The following CCDC60 variants were observed in gnomAD, a reference collection of about 807,000 sequenced individuals.
The protein encoded by CCDC60 is coiled-coil domain-containing protein 60.
Under a neutral mutation model 63.5 loss-of-function variants are expected in CCDC60, and 54 were observed. That is an observed-to-expected ratio of 0.85 (90% CI 0.68 to 1.07). The LOEUF (loss-of-function observed/expected upper bound fraction) is 1.07, where lower values mean the gene tolerates loss of function less well. Ranked by LOEUF, CCDC60 falls within the 50% of genes least tolerant of loss-of-function variation. CCDC60 has a pLI of 0.00. For missense variants in CCDC60, 651 were observed against 684.3 expected (o/e 0.95, Z 0.54); for synonymous variants, 206 against 238.8 (o/e 0.86, Z 1.27).
chr12:119,519,467 A>ATATTTT (rs1241035118), intron 8 of CCDC60, among the ~76,000 whole-genome samples: 2 of 95,286 alleles, frequency 2.1e-5, no homozygotes, highest in African/African-American at 7.5e-5. Flanking sequence ...ATATATATAT[A>ATATTTT]TTTTTTTTTT....
intron 7 of CCDC60, among the ~76,000 whole-genome samples, chr12:119,507,585 TATATAC>T (rs1261261360): frequency 0.023 from 841 of 36,390 alleles, 61 homozygotes; most frequent in East Asian, 0.076. Context: ...TATACACATA[TATATAC>T]ATATATATAT....
At chr12:119,521,881 T>C (rs1566060380) in intron 9 of CCDC60, among the ~76,000 whole-genome samples, 2 of 152,280 alleles carry the variant, frequency 1.3e-5, no homozygotes, top group East Asian at 3.9e-4. Context: ...ATCAAGGCTA[T>C]CTGGATATTG....
In CCDC60 at chr12:119,373,404, C is replaced by G. The variant is rs141540097; in HGVS notation, c.90+38138C>G. 4.7e-3 allele frequency among the ~76,000 whole-genome samples: 723 copies of G among 152,288 alleles called. 8 individuals carry two copies. Among genetic ancestry groups the G allele is most frequent in the African/African-American group, 0.016 (671 of 41,560 alleles). On this transcript the variant is annotated intron_variant, in intron 1 of 13. Transcript: ENST00000327554. ...AGCCAGTTACTTAACCTCTCTGAGCCTCAGTTTCCTCATTTGCAAATAGGG... is the reference window on the plus strand; with the variant it reads ...AGCCAGTTACTTAACCTCTCTGAGCGTCAGTTTCCTCATTTGCAAATAGGG...
Position 119,410,316 on chromosome 12 carries a change from A to G in CCDC60, c.91-18367A>G, listed in dbSNP as rs534765419. Reference sequence around the variant, plus strand: ...ATGGTTTGAGGACAAGGTGGAAGTAATACATTTTAAAAAGTGATGTACCTT... The same window carrying G: ...ATGGTTTGAGGACAAGGTGGAAGTAGTACATTTTAAAAAGTGATGTACCTT... On this transcript the variant is annotated intron_variant, in intron 1 of 13. Transcript: ENST00000327554. This position sits in a 1 kb window ranked among gnomAD's most constrained non-coding sequence, Gnocchi z 4.0. Among the ~76,000 whole-genome samples the G allele has an allele frequency of 4.6e-5, 7 of 152,068 alleles. No individual in the cohort carries two copies. Among genetic ancestry groups the G allele is most frequent in the Non-Finnish European group, 8.8e-5 (6 of 68,012 alleles).
At chr12:119,361,593 G>A (rs1955791604) in intron 1 of CCDC60, among the ~76,000 whole-genome samples, 1 of 152,140 alleles carries the variant, frequency 6.6e-6, no homozygotes, top group Admixed American at 6.5e-5. Flanking sequence ...TATTCACTTG[G>A]AGCCCAGAGA....
At chr12:119,429,804 G>C (rs550537252) in intron 2 of CCDC60, 1 of 152,196 alleles carries the variant, frequency 6.6e-6, no homozygotes, top group African/African-American at 2.4e-5. Context: ...GGGTGGCTGT[G>C]TCAGCTATTG....
At chr12:119,487,465 T>C (rs1242627612) in intron 4 of CCDC60, among the ~76,000 whole-genome samples, 1 of 152,004 alleles carries the variant, frequency 6.6e-6, no homozygotes, top group East Asian at 1.9e-4. Flanking sequence ...GCACAGCTAA[T>C]TTTTGTATTT....
chr12:119,519,853 AGAGTGTGTGTGT>A (rs1343413081), intron 8 of CCDC60, among the ~76,000 whole-genome samples: 2 of 135,128 alleles, frequency 1.5e-5, no homozygotes, highest in African/African-American at 5.8e-5. Context: ...AGAGAGAGAG[AGAGTGTGTGTGT>A]GTGTGTGTGT....
intron 2 of CCDC60, among the ~76,000 whole-genome samples, chr12:119,447,540 C>G (rs1031236984): frequency 1.1e-4 from 16 of 152,166 alleles, no homozygotes; most frequent in Admixed American, 3.3e-4. Flanking sequence ...GCCTCTCTCC[C>G]TGCTAATGCA....
At chr12:119,509,853 C>T (rs1234378174) in intron 7 of CCDC60, among the ~76,000 whole-genome samples, 11 of 152,264 alleles carry the variant, frequency 7.2e-5, no homozygotes. Context: ...GTGATGAAGA[C>T]ATAATTTGAA....
intron 2 of CCDC60, among the ~76,000 whole-genome samples, chr12:119,450,725 G>A (rs990988807): frequency 1.3e-5 from 2 of 152,146 alleles, no homozygotes; most frequent in South Asian, 4.1e-4. Context: ...GGCTTTGGTG[G>A]TGCGTGCCTG....
intron 11 of CCDC60, among the ~76,000 whole-genome samples, chr12:119,527,013 C>A (rs566014887): frequency 6.6e-6 from 1 of 152,178 alleles, no homozygotes; most frequent in Admixed American, 6.5e-5. Flanking sequence ...CAGAATCAAT[C>A]TAAATGCCCA....
chr12:119,493,692 C>T (rs907437961), intron 5 of CCDC60, among the ~76,000 whole-genome samples: 1 of 152,148 alleles, frequency 6.6e-6, no homozygotes, highest in Non-Finnish European at 1.5e-5. Flanking sequence ...GAAACCAACC[C>T]TTCAATAATG....
chr12:119,455,090 A>C (rs1950700392), intron 2 of CCDC60, among the ~76,000 whole-genome samples: 1 of 151,616 alleles, frequency 6.6e-6, no homozygotes. Context: ...CGGGAAAGGC[A>C]GCTGGGAAAT....
chr12:119,513,301 G>A (rs888325641), intron 7 of CCDC60, among the ~76,000 whole-genome samples: 1 of 152,136 alleles, frequency 6.6e-6, no homozygotes, highest in African/African-American at 2.4e-5. Flanking sequence ...CAGTGTGTGC[G>A]TTTCCTACAG....
intron 2 of CCDC60, among the ~76,000 whole-genome samples, chr12:119,460,217 A>G (rs927028215): frequency 2.6e-5 from 4 of 152,220 alleles, no homozygotes; most frequent in African/African-American, 9.7e-5. Flanking sequence ...AATTGCTCAG[A>G]TATTTTATCA....
At chr12:119,385,836 G>A (rs576285864) in intron 1 of CCDC60, among the ~76,000 whole-genome samples, 2 of 152,302 alleles carry the variant, frequency 1.3e-5, no homozygotes, top group South Asian at 2.1e-4. Flanking sequence ...CCTTCAGGGT[G>A]GTAACAGCTC....
At chr12:119,359,550 T>A (rs1046726150) in intron 1 of CCDC60, among the ~76,000 whole-genome samples, 18 of 152,018 alleles carry the variant, frequency 1.2e-4, no homozygotes, top group Admixed American at 3.3e-4. Flanking sequence ...TTTTTTTTTT[T>A]TTATTGATCA....
chr12:119,483,462 G>A (rs1371969282), intron 4 of CCDC60, among the ~76,000 whole-genome samples: 1 of 152,206 alleles, frequency 6.6e-6, no homozygotes, highest in Non-Finnish European at 1.5e-5. Flanking sequence ...CTAGGAATGA[G>A]AAGCAGCCCC....
Sources: allele counts gnomAD v4.1 joint callset (sites outside exome capture counted in the v4.1 genomes callset), GRCh38; gene constraint gnomAD v4.1.1; non-coding constraint Gnocchi (gnomAD v3.1); transcripts MANE v1.5; gene names NCBI Gene and HGNC (gene_info 2026-07-23, HGNC 2026-07-21).